Variants in ST18 observed in about 807,000 individuals in gnomAD.
ST18 encodes the protein suppression of tumorigenicity 18 protein.
A neutral mutation model predicts 110.0 loss-of-function variants in ST18; 50 were observed. The observed-to-expected ratio is 0.45, with a 90% CI of 0.36 to 0.58. The LOEUF is 0.58. Ranked by LOEUF, ST18 falls within the 20% of genes least tolerant of loss-of-function variation. The pLI is 0.00. For synonymous variants in ST18, 461 were observed against 452.4 expected (o/e 1.02, Z -0.24); for missense variants, 1,306 against 1,280.1 (o/e 1.02, Z -0.31).
intron 2 of ST18, among the ~76,000 whole-genome samples, chr8:52,341,148 A>G (rs1180216496): frequency 6.6e-6 from 1 of 152,214 alleles, no homozygotes; most frequent in East Asian, 1.9e-4. Context: ...TAGTTCACAC[A>G]AAATAAATTG....
At chr8:52,332,026 A>G (rs1416771474) in intron 2 of ST18, among the ~76,000 whole-genome samples, 3 of 152,242 alleles carry the variant, frequency 2.0e-5, no homozygotes, top group African/African-American at 7.2e-5. Context: ...GTGTGTATGT[A>G]TATATACATA....
At chr8:52,357,227 T>C (rs950152649) in intron 2 of ST18, among the ~76,000 whole-genome samples, 1 of 152,028 alleles carries the variant, frequency 6.6e-6, no homozygotes, top group African/African-American at 2.4e-5. Context: ...AGCAATGTAA[T>C]TACACTCTTG....
chr8:52,377,725 T>C (rs958739024), intron 2 of ST18, among the ~76,000 whole-genome samples: 6 of 152,158 alleles, frequency 3.9e-5, no homozygotes, highest in Non-Finnish European at 5.9e-5. Flanking sequence ...AGAACTATGA[T>C]ATGATCCAGC....
At chr8:52,220,329 C>T (rs973927083) in intron 5 of ST18, among the ~76,000 whole-genome samples, 1 of 152,160 alleles carries the variant, frequency 6.6e-6, no homozygotes, top group Admixed American at 6.5e-5. Flanking sequence ...CATAAATTCA[C>T]TCCAGAAGTC....
At chr8:52,214,851 T>C (rs780865100) in intron 6 of ST18, among the ~76,000 whole-genome samples, 2 of 152,176 alleles carry the variant, frequency 1.3e-5, no homozygotes, top group Non-Finnish European at 2.9e-5. Flanking sequence ...GAAAGTGAAA[T>C]TTGAGTGATA....
At chr8:52,357,722 T>TAA (rs1226355630) in intron 2 of ST18, among the ~76,000 whole-genome samples, 1 of 70,824 alleles carries the variant, frequency 1.4e-5, no homozygotes, top group Non-Finnish European at 2.4e-5. Context: ...TATATATATA[T>TAA]ATATATATAA....
intron 8 of ST18, among the ~76,000 whole-genome samples, chr8:52,194,156 A>G (rs2075450121): frequency 6.6e-6 from 1 of 152,206 alleles, no homozygotes; most frequent in African/African-American, 2.4e-5. Context: ...TTTTTTTCAT[A>G]AAATAACCAA....
At chr8:52,276,101 TGA>T (rs2095238637) in intron 2 of ST18, among the ~76,000 whole-genome samples, 1 of 63,408 alleles carries the variant, frequency 1.6e-5, no homozygotes. Context: ...ACCACACACA[TGA>T]AACACACACC....
intron 8 of ST18, among the ~76,000 whole-genome samples, chr8:52,192,080 T>C (rs1214949395): frequency 4.6e-5 from 7 of 152,170 alleles, no homozygotes; most frequent in Non-Finnish European, 5.9e-5. Context: ...GGGTCATTGA[T>C]GGAGTAGCAT....
rs543274351 is a variant in ST18 at position 52,176,283 on chromosome 8, A to G, written c.278-3700T>C. On this transcript the variant is annotated intron_variant, in intron 9 of 25. Coordinates refer to ENST00000689386, the MANE Select transcript of ST18 (RefSeq NM_001352837.2). ...CGTGATCCGCCCGCCTCGGCCTCCCAAAGTGCTGGGTTACAGGCGTGAGCC... is the reference window on the plus strand; with the variant it reads ...CGTGATCCGCCCGCCTCGGCCTCCCGAAGTGCTGGGTTACAGGCGTGAGCC... Among the ~76,000 whole-genome samples, 293 of 152,252 alleles carry G rather than the reference A, an allele frequency of 1.9e-3. 2 individuals carry two copies. Among genetic ancestry groups the G allele is most frequent in the Non-Finnish European group, 3.2e-3 (220 of 68,022 alleles).
intron 8 of ST18, among the ~76,000 whole-genome samples, chr8:52,205,703 G>A (rs368967126): frequency 1.3e-5 from 2 of 152,100 alleles, no homozygotes; most frequent in Non-Finnish European, 2.9e-5. Context: ...GAGTAGATGG[G>A]ATTACAGGTG....
At chr8:52,253,897 A>G (rs2138439950) in intron 2 of ST18, among the ~76,000 whole-genome samples, 1 of 152,312 alleles carries the variant, frequency 6.6e-6, no homozygotes, top group South Asian at 2.1e-4. Context: ...TTGCACCATG[A>G]CATTTTATTC....
chr8:52,290,650 G>A (rs754435419), intron 2 of ST18, among the ~76,000 whole-genome samples: 20 of 152,094 alleles, frequency 1.3e-4, no homozygotes, highest in Non-Finnish European at 1.9e-4. Context: ...AGCATGAGGT[G>A]TGGACGACCC....
At chr8:52,385,492 C>G (rs556664928) in intron 2 of ST18, among the ~76,000 whole-genome samples, 1 of 151,718 alleles carries the variant, frequency 6.6e-6, no homozygotes, top group East Asian at 2.0e-4. Flanking sequence ...CCCAGCTACT[C>G]AAGAGGCTGA....
At chr8:52,170,401 G>A (rs911082273) in intron 10 of ST18, among the ~76,000 whole-genome samples, 6 of 151,410 alleles carry the variant, frequency 4.0e-5, no homozygotes, top group African/African-American at 7.3e-5. Flanking sequence ...GCAGTGAGCC[G>A]ACACGGCGCC....
chr8:52,284,709 C>A (rs1290562174), intron 2 of ST18, among the ~76,000 whole-genome samples: 2 of 152,048 alleles, frequency 1.3e-5, no homozygotes, highest in Non-Finnish European at 2.9e-5. Context: ...GAGTCCCAGA[C>A]AATGCCAGAG....
chr8:52,275,343 T>C (rs1475515441), intron 2 of ST18, among the ~76,000 whole-genome samples: 1 of 152,210 alleles, frequency 6.6e-6, no homozygotes, highest in Non-Finnish European at 1.5e-5. Flanking sequence ...AAAAGTAAAT[T>C]ATAAATAAAA....
chr8:52,231,947 C>T (rs546708559), intron 2 of ST18, among the ~76,000 whole-genome samples: 2 of 152,284 alleles, frequency 1.3e-5, no homozygotes, highest in African/African-American at 2.4e-5. Context: ...CCAGGCTATG[C>T]GTTCCGTAGA....
At chr8:52,262,066 A>G (rs1345425257) in intron 2 of ST18, among the ~76,000 whole-genome samples, 3 of 152,060 alleles carry the variant, frequency 2.0e-5, no homozygotes, top group African/African-American at 7.2e-5. Flanking sequence ...TGCTCAGCAT[A>G]TGTTGAGGGC....
Sources: gnomAD v4.1 joint callset for allele counts (sites outside exome capture counted in the v4.1 genomes callset) on GRCh38, gnomAD v4.1.1 for gene constraint, MANE v1.5 for transcripts, NCBI Gene and HGNC (gene_info 2026-07-23, HGNC 2026-07-21) for gene names.